VMA12: variants seen among roughly 807,000 people sequenced by gnomAD.
The protein encoded by VMA12 is vacuolar ATPase assembly protein VMA12.
the VMA12 span, chr17:28,357,694 C>A: frequency 2.5e-6 from 4 of 1,612,760 alleles, no homozygotes; most frequent in Non-Finnish European, 3.4e-6. Flanking sequence ...TGCTTGCGGG[C>A]GAGCGATTGG....
At chr17:28,357,868 T>C in the VMA12 span, 1 of 1,614,004 alleles carries the variant, frequency 6.2e-7, no homozygotes, top group Non-Finnish European at 8.5e-7. Flanking sequence ...TGCACCAGCA[T>C]CTGAGAGAAA....
the VMA12 span, among the ~76,000 whole-genome samples, chr17:28,359,884 C>T: frequency 6.6e-6 from 1 of 152,066 alleles, no homozygotes; most frequent in South Asian, 2.1e-4. Flanking sequence ...GCACTCCAGC[C>T]TGAGCAACAA....
the VMA12 span, chr17:28,360,957 G>T: frequency 5.9e-6 from 6 of 1,015,140 alleles, no homozygotes; most frequent in South Asian, 2.8e-5. Flanking sequence ...AGATATTTAT[G>T]CCATTAATAA....
chr17:28,358,021 C>T, the VMA12 span: 1 of 875,700 alleles, frequency 1.1e-6, no homozygotes, highest in Non-Finnish European at 1.7e-6. Context: ...CCCAGGGCCA[C>T]CCACTTTCTT....
chr17:28,360,980 A>C, the VMA12 span: 2 of 917,040 alleles, frequency 2.2e-6, no homozygotes, highest in East Asian at 2.5e-5. Context: ...GGAGCATTAG[A>C]GCTTTCCAGC....
chr17:28,360,142 T>A, the VMA12 span: 1 of 177,100 alleles, frequency 5.6e-6, no homozygotes, highest in African/African-American at 2.4e-5. Context: ...TAATTTTTTG[T>A]ATTTTTAGTA....
the VMA12 span, among the ~76,000 whole-genome samples, chr17:28,358,717 A>G: frequency 6.6e-6 from 1 of 152,230 alleles, no homozygotes; most frequent in African/African-American, 2.4e-5. Flanking sequence ...GCTGACAGCT[A>G]AAGTCACCTG....
the VMA12 span, chr17:28,361,160 G>C: frequency 6.2e-7 from 1 of 1,613,988 alleles, no homozygotes; most frequent in African/African-American, 1.3e-5. Context: ...TCTCCAGCGG[G>C]TGCTAGCTGC....
At chr17:28,361,401 G>T in the VMA12 span, 4 of 666,508 alleles carry the variant, frequency 6.0e-6, no homozygotes, top group African/African-American at 7.3e-5. Context: ...TCTGTGGGGA[G>T]CCCTAATCTT....
the VMA12 span, chr17:28,361,388 G>A: frequency 4.2e-6 from 3 of 720,106 alleles, no homozygotes; most frequent in Non-Finnish European, 7.1e-6. Flanking sequence ...GCCAGCTGCT[G>A]TTTCTGTGGG....
chr17:28,360,997 G>A, the VMA12 span: 30 of 891,992 alleles, frequency 3.4e-5, no homozygotes, highest in African/African-American at 1.8e-4. Context: ...CAGCAGTCAC[G>A]GGAGGTTAGG....
the VMA12 span, chr17:28,361,167 C>G: frequency 2.5e-5 from 41 of 1,613,990 alleles, no homozygotes; most frequent in Non-Finnish European, 3.1e-5. Context: ...CGGGTGCTAG[C>G]TGCATTGATC....
the VMA12 span, chr17:28,357,696 AGCGATTGG>A: frequency 6.2e-7 from 1 of 1,612,662 alleles, no homozygotes; most frequent in Non-Finnish European, 8.5e-7. Context: ...CTTGCGGGCG[AGCGATTGG>A]TGCGTGCTTT....
At chr17:28,357,924 G>A in the VMA12 span, 3 of 1,603,740 alleles carry the variant, frequency 1.9e-6, no homozygotes, top group Non-Finnish European at 2.6e-6. Flanking sequence ...CTTGTGTCCA[G>A]ATCGATTCCC....
At chr17:28,361,975 G>C in the VMA12 span, 1 of 152,302 alleles carries the variant, frequency 6.6e-6, no homozygotes, top group Non-Finnish European at 1.5e-5. Flanking sequence ...TGAGAACTTA[G>C]ATTAGTGGTG....
At chr17:28,359,596 A>C in the VMA12 span, 1 of 494,652 alleles carries the variant, frequency 2.0e-6, no homozygotes. Context: ...ATGGTGACCA[A>C]GTTTTAAACG....
the VMA12 span, chr17:28,362,310 AAGT>A: frequency 6.6e-6 from 1 of 152,116 alleles, no homozygotes; most frequent in Non-Finnish European, 1.5e-5. Flanking sequence ...TGAAAAGAAA[AAGT>A]AGGTGGCATT....
the VMA12 span, chr17:28,358,871 C>T: frequency 1.5e-5 from 23 of 1,538,234 alleles, no homozygotes; most frequent in Admixed American, 2.4e-4. Context: ...AACCCTTCAA[C>T]CTCAGCTCGT....
the VMA12 span, chr17:28,360,351 C>T: frequency 5.1e-6 from 3 of 593,542 alleles, no homozygotes; most frequent in South Asian, 1.9e-5. Flanking sequence ...CAGCCTATGT[C>T]CTCTCTCCGA....
Sources: allele counts gnomAD v4.1 joint callset (sites outside exome capture counted in the v4.1 genomes callset), GRCh38; gene constraint gnomAD v4.1.1; transcripts MANE v1.5; gene names NCBI Gene and HGNC (gene_info 2026-07-23, HGNC 2026-07-21).